MGAT4C: variants seen among roughly 807,000 people sequenced by gnomAD.
The protein encoded by MGAT4C is alpha-1,3-mannosyl-glycoprotein 4-beta-N-acetylglucosaminyltransferase C.
In MGAT4C, 19 loss-of-function variants were observed where a neutral mutation model predicts 40.1. The ratio of observed to expected loss-of-function variants is 0.47; its 90% CI spans 0.33 to 0.70. MGAT4C has a LOEUF of 0.70. Ranked by LOEUF, MGAT4C falls within the 30% of genes least tolerant of loss-of-function variation. The pLI is 0.02. For missense variants in MGAT4C, 491 were observed against 563.2 expected (o/e 0.87, Z 1.30); for synonymous variants, 181 against 187.1 (o/e 0.97, Z 0.27).
At chr12:86,788,346 C>T (rs370097967) in intron 1 of MGAT4C, among the ~76,000 whole-genome samples, 62 of 150,392 alleles carry the variant, frequency 4.1e-4, no homozygotes, top group African/African-American at 1.4e-3. Flanking sequence ...TGAACTATCC[C>T]TTGACACTGC....
At chr12:86,738,036 C>T (rs1273672213) in intron 1 of MGAT4C, among the ~76,000 whole-genome samples, 2 of 151,500 alleles carry the variant, frequency 1.3e-5, no homozygotes, top group Non-Finnish European at 3.0e-5. Flanking sequence ...CACTGTTTTC[C>T]TTTTCAAAGT....
At chr12:86,708,169 C>T (rs2013257) in intron 2 of MGAT4C, among the ~76,000 whole-genome samples, 118,935 of 152,070 alleles carry the variant, frequency 0.78, 47,744 homozygotes, top group Middle Eastern at 0.88. Context: ...ATGCTGTTTG[C>T]AGTCTAGGGA....
chr12:86,661,480 C>A (rs1480979054), intron 2 of MGAT4C, among the ~76,000 whole-genome samples: 2 of 151,738 alleles, frequency 1.3e-5, no homozygotes, highest in Non-Finnish European at 2.9e-5. Flanking sequence ...CAAATAACTA[C>A]AAAATATAAA....
chr12:86,282,061 C>T (rs1430778438), intron 4 of MGAT4C, among the ~76,000 whole-genome samples: 1 of 151,964 alleles, frequency 6.6e-6, no homozygotes, highest in Admixed American at 6.6e-5. Context: ...TACATGGGGG[C>T]TTTTTAAATT....
At chr12:85,990,320 A>T (rs1377536980) in intron 2 of MGAT4C, among the ~76,000 whole-genome samples, 1 of 152,152 alleles carries the variant, frequency 6.6e-6, no homozygotes, top group Non-Finnish European at 1.5e-5. Flanking sequence ...TTCCAACCAA[A>T]GATTCCTTTA....
At chr12:86,410,070 A>G (rs1945906443) in intron 3 of MGAT4C, among the ~76,000 whole-genome samples, 1 of 152,154 alleles carries the variant, frequency 6.6e-6, no homozygotes, top group South Asian at 2.1e-4. Context: ...AATAAAGATC[A>G]CAAGGCAAAG....
chr12:86,110,678 G>T (rs1877219355), intron 1 of MGAT4C, among the ~76,000 whole-genome samples: 1 of 151,454 alleles, frequency 6.6e-6, no homozygotes, highest in South Asian at 2.1e-4. Flanking sequence ...ATGTATTTGT[G>T]TTTTTAATGT....
At chr12:86,289,124 G>T (rs1017515043) in intron 4 of MGAT4C, among the ~76,000 whole-genome samples, 1 of 152,050 alleles carries the variant, frequency 6.6e-6, no homozygotes. Context: ...CTTCTGCCTA[G>T]AGCTAGCAAG....
intron 2 of MGAT4C, among the ~76,000 whole-genome samples, chr12:86,451,484 A>AT (rs551454440): frequency 2.8e-4 from 42 of 152,146 alleles, no homozygotes; most frequent in African/African-American, 3.9e-4. Context: ...CCTTTTGTAG[A>AT]TTTTTTTCCT....
chr12:86,771,065 G>C (rs1951624817), intron 1 of MGAT4C, among the ~76,000 whole-genome samples: 1 of 152,026 alleles, frequency 6.6e-6, no homozygotes, highest in African/African-American at 2.4e-5. Flanking sequence ...TATAAGAAGA[G>C]GTAATTCAGG....
intron 4 of MGAT4C, among the ~76,000 whole-genome samples, chr12:86,329,140 A>ATAAG (rs1954595583): frequency 6.7e-6 from 1 of 148,858 alleles, no homozygotes; most frequent in East Asian, 2.1e-4. Flanking sequence ...AAATAAATAA[A>ATAAG]TAAATAAAAT....
At chr12:86,724,996 TTACA>T (rs1188727210) in intron 2 of MGAT4C, among the ~76,000 whole-genome samples, 1 of 152,196 alleles carries the variant, frequency 6.6e-6, no homozygotes, top group Non-Finnish European at 1.5e-5. Context: ...ACATCATGTT[TTACA>T]CAATACATAA....
intron 1 of MGAT4C, among the ~76,000 whole-genome samples, chr12:86,239,067 T>A (rs760266971): frequency 2.8e-4 from 43 of 152,096 alleles, no homozygotes; most frequent in Non-Finnish European, 6.0e-4. Flanking sequence ...ACTTTTTTTT[T>A]ATAGTGGCAT....
intron 2 of MGAT4C, among the ~76,000 whole-genome samples, chr12:86,495,975 C>T (rs77800773): frequency 0.012 from 1,761 of 152,026 alleles, 26 homozygotes; most frequent in African/African-American, 0.039. Flanking sequence ...ATTCCTGCCC[C>T]GCTATATAAA....
chr12:86,205,002 A>G (rs1397168378), intron 1 of MGAT4C, among the ~76,000 whole-genome samples: 2 of 152,068 alleles, frequency 1.3e-5, no homozygotes, highest in Non-Finnish European at 2.9e-5. Flanking sequence ...AAAAAATTGC[A>G]TAATGGCACA....
At chr12:86,095,642 T>C (rs992767846) in intron 1 of MGAT4C, among the ~76,000 whole-genome samples, 1 of 151,704 alleles carries the variant, frequency 6.6e-6, no homozygotes, top group Non-Finnish European at 1.5e-5. Context: ...TTTTCTTTTT[T>C]TTTTTTCCTT....
chr12:86,316,116 C>T (rs975153775), intron 4 of MGAT4C, among the ~76,000 whole-genome samples: 2 of 108,618 alleles, frequency 1.8e-5, no homozygotes, highest in South Asian at 3.0e-4. Context: ...AATGGAAAAA[C>T]GATCCACATC....
intron 4 of MGAT4C, among the ~76,000 whole-genome samples, chr12:86,278,353 A>AT (rs1399069194): frequency 2.0e-5 from 3 of 151,632 alleles, no homozygotes; most frequent in African/African-American, 7.3e-5. Context: ...TAATTTTTGT[A>AT]TTTTTAGTAG....
intron 2 of MGAT4C, among the ~76,000 whole-genome samples, chr12:86,654,538 A>G (rs1963786986): frequency 3.3e-5 from 5 of 151,988 alleles, no homozygotes; most frequent in African/African-American, 1.2e-4. Flanking sequence ...GATTTTCGGG[A>G]CAATATCCAA....
Sources: gnomAD v4.1 joint callset for allele counts (sites outside exome capture counted in the v4.1 genomes callset) on GRCh38, gnomAD v4.1.1 for gene constraint, MANE v1.5 for transcripts, NCBI Gene and HGNC (gene_info 2026-07-23, HGNC 2026-07-21) for gene names.